MUC17: variants seen among roughly 807,000 people sequenced by gnomAD.
The protein encoded by MUC17 is mucin 17, cell surface associated.
In MUC17, 190 loss-of-function variants were observed where a neutral mutation model predicts 170.3. The observed-to-expected ratio is 1.12, with a 90% confidence interval of 0.99 to 1.26. The LOEUF (loss-of-function observed/expected upper bound fraction) is 1.26. MUC17 is among the 50% of genes most tolerant of loss of function. The pLI is 0.00. For missense variants in MUC17, 6,415 were observed against 5,530.0 expected, an observed-to-expected ratio of 1.16 and a Z score of -5.08; for synonymous variants, 2,325 against 2,002.5, an observed-to-expected ratio of 1.16 and a Z score of -4.30.
chr7:101,023,986 T>A (rs1434617242), intron 1 of MUC17, among the ~76,000 whole-genome samples: 1 of 152,198 alleles, frequency 6.6e-6, no homozygotes, highest in Non-Finnish European at 1.5e-5. Context: ...TGATGATTAG[T>A]GATGTTGAGC....
rs528973575 is a variant in MUC17, at chr7:101,031,600, G to A, written c.185-1G>A. 191 of 1,526,382 alleles carry A rather than the reference G, an allele frequency of 1.3e-4. 1 individual carries two copies. The South Asian group carries it at 1.8e-3, about 14-fold the overall frequency. 94.6% of individuals were successfully genotyped at this position (1,526,382 alleles called of 1,614,324 possible). A position where few individuals can be genotyped will look rare whatever the true frequency, so the allele number is the denominator to read the frequency against. On this transcript the variant is annotated splice_acceptor_variant, in intron 2 of 12. Transcript: ENST00000306151. LOFTEE classifies it high-confidence loss of function. ...ACAAAATATCATTGTATCTTAAACA[G>A]GTTCTGCGGCAAACACCGCCACAGG...
intron 12 of MUC17, among the ~76,000 whole-genome samples, chr7:101,056,548 A>G (rs1480836604): frequency 6.6e-6 from 1 of 152,228 alleles, no homozygotes; most frequent in Non-Finnish European, 1.5e-5. Flanking sequence ...CAACTTACTT[A>G]GTTATTTTAA....
At position 101,041,092 on chromosome 7, in the gene MUC17, A is replaced by T; in HGVS notation, c.9676A>T (p.Ser3226Cys). 6.2e-7 allele frequency: 1 copy of T among 1,613,618 alleles called. No homozygotes were observed. Among genetic ancestry groups the T allele is most frequent in the Middle Eastern group, 1.7e-4 (1 of 6,058 alleles). The change falls in exon 3 of 13, where the codon AGT becomes TGT. Residue 3226 changes from serine to cysteine, a missense_variant. Transcript: ENST00000306151. ...TAGTGAAGGAATGACTCCATTAACT[A>T]GTGTACCTGTCAGCAACACGCCGGT... The part of the protein sequence containing the change: ...TPSEGMTPLT[S>C]VPVSNTPVAS...
Position 101,033,832 on chromosome 7 carries a change from C to A in MUC17, c.2416C>A (p.Pro806Thr), listed in dbSNP as rs557250612. 13 of 1,606,684 alleles carry A rather than the reference C, an allele frequency of 8.1e-6. No individual in the cohort carries two copies. Among genetic ancestry groups the A allele is most frequent in the Non-Finnish European group, 1.0e-5 (12 of 1,177,690 alleles). The change falls in exon 3 of 13, where the codon CCT (proline) becomes ACT (threonine). Residue 806 changes from proline to threonine, a missense_variant. Physicochemically the swap from Pro to Thr is conservative, Grantham distance 38. Coordinates refer to ENST00000306151, the MANE Select transcript of MUC17 (RefSeq NM_001040105.2). ...MPISTPSEGS[P>T]LLTSIPVSIT... is the part of the protein sequence containing the mutation. ...AATCTCAACTCCTAGTGAAGGAAGT[C>A]CTTTATTAACAAGTATACCTGTCAG...
Position 101,034,238 on chromosome 7 carries a change from C to A in MUC17, c.2822C>A (p.Ala941Asp), listed in dbSNP as rs148817224. Residue 941 changes from alanine to aspartate, a missense_variant, in exon 3 of 13, where the codon GCT (alanine) becomes GAT (aspartate). Transcript: ENST00000306151. ...DSTTPVVSSE[A>D]RTLSATPVDT... Reference sequence around the variant, plus strand: ...ACCACGCCGGTAGTCAGTTCTGAGGCTAGAACACTTTCAGCAACTCCTGTT... The same window carrying A: ...ACCACGCCGGTAGTCAGTTCTGAGGATAGAACACTTTCAGCAACTCCTGTT... The A allele has an allele frequency of 6.4e-7, 1 of 1,551,624 alleles. No homozygotes were observed. The highest frequency in any genetic ancestry group is 8.6e-7 in the Non-Finnish European group (1 of 1,161,910).
In MUC17 at chr7:101,033,530, C is replaced by CAA. The variant is rs2116412531; in HGVS notation, c.2114_2115insAA (p.Ser706IlefsTer15). 6.2e-7 allele frequency: 1 copy of CAA among 1,613,890 alleles called. No individual in the cohort carries two copies. Among genetic ancestry groups the CAA allele is most frequent in the East Asian group, 2.2e-5 (1 of 44,862 alleles). On this transcript the variant is annotated frameshift_variant, in exon 3 of 13. Coordinates refer to ENST00000306151, the MANE Select transcript of MUC17 (RefSeq NM_001040105.2). LOFTEE classifies it high-confidence loss of function. ...ACCACACTGGTGGCCAGTTCTGAGG[C>CAA]TAGCACCCTTTCAACAACTCCTGTT... is the stretch of plus-strand genomic sequence containing the variant.
At position 101,035,999 on chromosome 7, in the gene MUC17, G is replaced by T. The variant is rs760999728; in HGVS notation, c.4583G>T (p.Ser1528Ile). The T allele has an allele frequency of 1.2e-6, 2 of 1,611,950 alleles. No individual in the cohort carries two copies. The highest frequency in any genetic ancestry group is 1.7e-6 in the Non-Finnish European group (2 of 1,178,688). ...CCTGTCAGCACCACAACAGTGGCCAGTTCTGAAATCAACAGCCTTTCAACA... is the reference window on the plus strand; with the variant it reads ...CCTGTCAGCACCACAACAGTGGCCATTTCTGAAATCAACAGCCTTTCAACA... The part of the protein sequence containing the change: ...SIPVSTTTVA[S>I]SEINSLSTTP... The change falls in exon 3 of 13, where the codon AGT becomes ATT. Residue 1528 changes from serine to isoleucine, a missense_variant. Ser to Ile is a moderately radical substitution (Grantham distance 142). Coordinates refer to ENST00000306151, the MANE Select transcript of MUC17 (RefSeq NM_001040105.2).
chr7:101,056,639 C>A (rs372047708), intron 12 of MUC17, among the ~76,000 whole-genome samples: 1 of 152,152 alleles, frequency 6.6e-6, no homozygotes, highest in Admixed American at 6.6e-5. Context: ...GCTTAACATG[C>A]CATATGTTTC....
rs775662534 is a variant in MUC17, at chr7:101,053,087, T to C, written c.13205T>C (p.Met4402Thr). 8 of 1,614,030 alleles carry C rather than the reference T, an allele frequency of 5.0e-6. No individual in the cohort carries two copies. The highest frequency in any genetic ancestry group is 1.6e-4 in the Middle Eastern group (1 of 6,084). The change falls in exon 10 of 13, where the codon ATG becomes ACG. Residue 4402 changes from methionine (M) to threonine (T), a missense_variant. By Grantham distance (81) the Met-to-Thr change is moderately conservative. Transcript: ENST00000306151. ...YGLVGAGVVLMLIILVALLML... is the reference protein window; with the variant it reads ...YGLVGAGVVLTLIILVALLML... Reference sequence around the variant, plus strand: ...CTCGTGGGGGCAGGGGTCGTGCTGATGCTGATCATCCTGGTAGCTCTCCTG... The same window carrying C: ...CTCGTGGGGGCAGGGGTCGTGCTGACGCTGATCATCCTGGTAGCTCTCCTG...
chr7:101,034,450 A>G lies in MUC17; in HGVS notation c.3034A>G (p.Thr1012Ala), dbSNP rs753958797. 3.1e-6 allele frequency: 5 copies of G among 1,607,532 alleles called. No homozygotes were observed. Among genetic ancestry groups the G allele is most frequent in the Non-Finnish European group, 4.2e-6 (5 of 1,176,936 alleles). The change falls in exon 3 of 13, where the codon ACT becomes GCT. Residue 1012 changes from threonine (T) to alanine (A), a missense_variant. By Grantham distance (58) the Thr-to-Ala change is moderately conservative (BLOSUM62 0). Transcript: ENST00000306151. Reference sequence around the variant, plus strand: ...TTCAACAACTCCTGTTGACTCCAACACTCCTTTGACCACTTCTACTGAAGC... The same window carrying G: ...TTCAACAACTCCTGTTGACTCCAACGCTCCTTTGACCACTTCTACTGAAGC... ...TLSTTPVDSN[T>A]PLTTSTEASS...
chr7:101,048,233 G>A, intron 4 of MUC17, 118 bp downstream of exon 4: 2 of 1,052,238 alleles, frequency 1.9e-6, no homozygotes, highest in East Asian at 6.1e-5. Flanking sequence ...CTGGGCTGTG[G>A]TGTTTTTTGT....
chr7:101,039,123 T>A lies in MUC17; in HGVS notation c.7707T>A (p.Tyr2569Ter). Residue 2569 changes from tyrosine (Y) to a stop codon, truncating the protein, a stop_gained, in exon 3 of 13, where the codon TAT (tyrosine) becomes TAA (stop). Coordinates refer to ENST00000306151, the MANE Select transcript of MUC17 (RefSeq NM_001040105.2). LOFTEE classifies it high-confidence loss of function. ...GTACCAGCATGCCTACCTCAACTTA[T>A]AGTGAAGGAAGCACTCCATTAAGAA... ...AEGTSMPTST[Y>*]SEGSTPLRSM... 2 of 1,613,592 alleles carry A rather than the reference T, an allele frequency of 1.2e-6. No individual in the cohort carries two copies. The highest frequency in any genetic ancestry group is 1.7e-6 in the Non-Finnish European group (2 of 1,179,878).
In MUC17 at chr7:101,058,097, G is replaced by T; in HGVS notation, c.*53G>T. ...AGGAGATCCCAGTCCGGCTAAGCTT[G>T]GTGGAGCATTTTCCCATTGAGAGCC... On this transcript the variant is annotated 3_prime_UTR_variant, in exon 13 of 13. Transcript: ENST00000306151. 1 of 1,552,994 alleles carries T rather than the reference G, an allele frequency of 6.4e-7. No individual in the cohort carries two copies. The highest frequency in any genetic ancestry group is 8.9e-7 in the Non-Finnish European group (1 of 1,126,120).
intron 11 of MUC17, among the ~76,000 whole-genome samples, chr7:101,053,881 A>AG (rs1795001441): frequency 6.9e-6 from 1 of 144,366 alleles, no homozygotes; most frequent in Admixed American, 7.0e-5. Flanking sequence ...ACTCCGTCTC[A>AG]AAAAAAAAAA....
In MUC17 at chr7:101,043,271, A is replaced by G. The variant is rs113411063; in HGVS notation, c.11855A>G (p.Asp3952Gly). 1 of 1,614,028 alleles carries G rather than the reference A, an allele frequency of 6.2e-7. No individual in the cohort carries two copies. Among genetic ancestry groups the G allele is most frequent in the African/African-American group, 1.3e-5 (1 of 74,906 alleles). Residue 3952 changes from aspartate to glycine, a missense_variant, in exon 3 of 13, where the codon GAT becomes GGT. Physicochemically the swap from Asp to Gly is moderately conservative, Grantham distance 94. Transcript: ENST00000306151. ...PSTPVTSSTA[D>G]VFPATTGAVS... ...ACTCCTGTCACCAGTTCTACTGCTGATGTCTTTCCTGCAACAACTGGTGCT... is the reference window on the plus strand; with the variant it reads ...ACTCCTGTCACCAGTTCTACTGCTGGTGTCTTTCCTGCAACAACTGGTGCT...
Position 101,042,967 on chromosome 7 carries a change from A to C in MUC17, c.11551A>C (p.Lys3851Gln). The change falls in exon 3 of 13, where the codon AAA (lysine) becomes CAA (glutamine). Residue 3851 changes from lysine to glutamine, a missense_variant. Physicochemically the swap from Lys to Gln is moderately conservative, Grantham distance 53. Coordinates refer to ENST00000306151, the MANE Select transcript of MUC17 (RefSeq NM_001040105.2). ...DTSTPLLTST[K>Q]AGSFSIPAEV... ...CAGCACACCTTTGCTCACCTCTACC[A>C]AAGCCGGTTCATTCTCCATACCTGC... The C allele has an allele frequency of 6.2e-7, 1 of 1,614,052 alleles. No homozygotes were observed. Among genetic ancestry groups the C allele is most frequent in the Non-Finnish European group, 8.5e-7 (1 of 1,180,018 alleles).
chr7:101,053,538 C>CAGG, intron 11 of MUC17, 102 bp downstream of exon 11: 3 of 859,402 alleles, frequency 3.5e-6, no homozygotes, highest in Non-Finnish European at 5.6e-6. Context: ...AAGGCCAAGG[C>CAGG]AGGAGTATTA....
chr7:101,040,818 A>G lies in MUC17; in HGVS notation c.9402A>G (p.Thr3134=), dbSNP rs771154016. The part of the protein sequence containing the change: ...TLSTTPVDTS[T]PVTTSTEAHS... ...CAACAACTCCTGTTGACACCAGCAC[A>G]CCTGTGACCACTTCTACTGAAGCCC... Residue 3134 remains threonine, a synonymous_variant, in exon 3 of 13, where the codon ACA becomes ACG. Transcript: ENST00000306151. 2.5e-6 allele frequency: 4 copies of G among 1,612,204 alleles called. No homozygotes were observed.
Position 101,042,842 on chromosome 7 carries a change from C to T in MUC17, c.11426C>T (p.Thr3809Met), listed in dbSNP as rs558823554. ...EGTTTMPMST[T>M]SERSTLLTTV... is the part of the protein sequence containing the mutation. Reference sequence around the variant, plus strand: ...ACCACCACCATGCCTATGTCAACTACGAGTGAAAGAAGCACTTTATTGACA... The same window carrying T: ...ACCACCACCATGCCTATGTCAACTATGAGTGAAAGAAGCACTTTATTGACA... The change falls in exon 3 of 13, where the codon ACG (threonine) becomes ATG (methionine). Residue 3809 changes from threonine (T) to methionine (M), a missense_variant. By Grantham distance (81) the Thr-to-Met change is moderately conservative. Coordinates refer to ENST00000306151, the MANE Select transcript of MUC17 (RefSeq NM_001040105.2). 41 of 1,614,156 alleles carry T rather than the reference C, an allele frequency of 2.5e-5. No homozygotes were observed. The highest frequency in any genetic ancestry group is 5.0e-5 in the Admixed American group (3 of 60,018).
Sources: allele counts gnomAD v4.1 joint callset (sites outside exome capture counted in the v4.1 genomes callset), GRCh38; gene constraint gnomAD v4.1.1; transcripts MANE v1.5; gene names NCBI Gene and HGNC (gene_info 2026-07-23, HGNC 2026-07-21).